Variants in INPP5F observed in about 807,000 individuals in gnomAD.
INPP5F encodes the protein phosphatidylinositide 4-phosphatase SAC2.
A neutral mutation model predicts 137.2 loss-of-function variants in INPP5F; 97 were observed. The observed-to-expected ratio is 0.71, with a 90% confidence interval of 0.60 to 0.84. INPP5F has a LOEUF of 0.84. Among genes scored for constraint, INPP5F ranks in the 40% least tolerant of loss-of-function variants. The pLI is 0.00. For synonymous variants in INPP5F, 504 were observed against 476.9 expected (o/e 1.06, Z -0.74); for missense variants, 1,271 against 1,371.9 (o/e 0.93, Z 1.16).
intron 9 of INPP5F, 111 bp from the exon 10 acceptor site, chr10:119,804,062 T>C (rs755566176): frequency 1.2e-5 from 9 of 726,650 alleles, no homozygotes; most frequent in Non-Finnish European, 1.9e-5. Context: ...TTCTAACACA[T>C]AATTCCAAAT....
intron 3 of INPP5F, among the ~76,000 whole-genome samples, chr10:119,790,783 A>G (rs917373174): frequency 7.9e-5 from 12 of 152,240 alleles, no homozygotes; most frequent in Non-Finnish European, 1.8e-4. Context: ...GCTGAGCTAC[A>G]TGAAATTATA....
intron 1 of INPP5F, among the ~76,000 whole-genome samples, chr10:119,732,493 CTTTTTTCTTTTTTTT>C (rs1848104847): frequency 8.4e-6 from 1 of 118,424 alleles, no homozygotes; most frequent in Non-Finnish European, 1.8e-5. Flanking sequence ...TTTCTTTTTT[CTTTTTTCTTTTTTTT>C]TTTTTTTTTG....
chr10:119,789,298 C>A (rs560150196), intron 3 of INPP5F, among the ~76,000 whole-genome samples: 1 of 151,612 alleles, frequency 6.6e-6, no homozygotes, highest in African/African-American at 2.4e-5. Context: ...ATCTGTAGCT[C>A]GGTTTTGAGC....
intron 6 of INPP5F, among the ~76,000 whole-genome samples, chr10:119,795,213 G>C (rs1319529991): frequency 2.7e-5 from 4 of 145,900 alleles, no homozygotes; most frequent in Non-Finnish European, 4.6e-5. Flanking sequence ...CCGGGCAGAG[G>C]CGCCCCTCAC....
intron 13 of INPP5F, among the ~76,000 whole-genome samples, chr10:119,809,336 T>G (rs533581259): frequency 6.6e-6 from 1 of 152,190 alleles, no homozygotes; most frequent in Non-Finnish European, 1.5e-5. Flanking sequence ...TATACCTTTT[T>G]TCTGTAATAG....
chr10:119,753,678 T>C (rs1379455656), intron 2 of INPP5F, among the ~76,000 whole-genome samples: 19 of 152,218 alleles, frequency 1.2e-4, no homozygotes, highest in Admixed American at 1.2e-3. Flanking sequence ...AGGGCCTGTA[T>C]GTCTTAAGTT....
At chr10:119,820,707 T>A (rs889630368) in intron 15 of INPP5F, 139 bp from the exon 16 acceptor site, 1 of 654,786 alleles carries the variant, frequency 1.5e-6, no homozygotes, top group East Asian at 2.7e-5. Context: ...CTAACTGCAG[T>A]AGAACTCATT....
At chr10:119,736,909 G>A (rs931136560) in intron 1 of INPP5F, among the ~76,000 whole-genome samples, 2 of 152,234 alleles carry the variant, frequency 1.3e-5, no homozygotes, top group South Asian at 2.1e-4. Flanking sequence ...CTGCAGCCTC[G>A]AACTCCTGGG....
chr10:119,796,678 C>T, intron 6 of INPP5F, 37 bp from the exon 7 acceptor site: 2 of 1,503,920 alleles, frequency 1.3e-6, no homozygotes, highest in Middle Eastern at 1.7e-4. Context: ...CAGTGCTGTA[C>T]AGAATAGAAA....
intron 1 of INPP5F, among the ~76,000 whole-genome samples, chr10:119,732,376 A>T (rs1357570311): frequency 1.3e-5 from 2 of 151,984 alleles, no homozygotes; most frequent in Non-Finnish European, 2.9e-5. Context: ...CAATTTTTGG[A>T]ATCAGGTTTT....
chr10:119,773,064 T>A (rs551537631), intron 2 of INPP5F, among the ~76,000 whole-genome samples: 4 of 151,196 alleles, frequency 2.6e-5, no homozygotes, highest in Non-Finnish European at 5.9e-5. Context: ...TTAAAAATTA[T>A]TATCTTTTTT....
Position 119,733,412 on chromosome 10 carries a change from TA to T in INPP5F, c.97+7054del, listed in dbSNP as rs1848141489. Among the ~76,000 whole-genome samples the T allele has an allele frequency of 2.6e-5, 4 of 152,196 alleles. No individual in the cohort carries two copies. In the South Asian group the frequency reaches 8.3e-4, roughly 31 times the overall value. The stretch of plus-strand genomic sequence containing the variant: ...ATCTGCAGTTTGGGAAGGGAATAGA[TA>T]CAGGGGAGATCTTTGAGCAGATGCA... On this transcript the variant is annotated intron_variant, in intron 1 of 19. Transcript: ENST00000650623.
chr10:119,803,029 T>A (rs1013167918), intron 9 of INPP5F, among the ~76,000 whole-genome samples: 1 of 152,230 alleles, frequency 6.6e-6, no homozygotes, highest in Non-Finnish European at 1.5e-5. Context: ...TTTTTTCATG[T>A]GGATTTTCTC....
At position 119,726,073 on chromosome 10, in the gene INPP5F, G is replaced by A. The variant is rs1194543707; in HGVS notation, c.-190G>A. On this transcript the variant is annotated 5_prime_UTR_variant, in exon 1 of 20. Transcript: ENST00000650623. ...GGGAGAGGCCTCTACGGCCGCCGCT[G>A]CCGCCGCCGCTGCCGGGGCGCGTTC... 2 of 367,894 alleles carry A rather than the reference G, an allele frequency of 5.4e-6. No homozygotes were observed. Among genetic ancestry groups the A allele is most frequent in the Non-Finnish European group, 9.6e-6 (2 of 207,722 alleles). The allele number at this position is 367,894 out of a possible 1,614,324, so 22.8% of individuals were successfully genotyped here. A position where few individuals can be genotyped will look rare whatever the true frequency, so the allele number is the denominator to read the frequency against.
At chr10:119,764,157 C>T (rs1172918058) in intron 2 of INPP5F, among the ~76,000 whole-genome samples, 2 of 152,152 alleles carry the variant, frequency 1.3e-5, no homozygotes, top group African/African-American at 4.8e-5. Flanking sequence ...GCAGTGTAGG[C>T]TTTTTCTAAT....
At chr10:119,742,420 T>C (rs1379956117) in intron 1 of INPP5F, among the ~76,000 whole-genome samples, 2 of 152,102 alleles carry the variant, frequency 1.3e-5, no homozygotes, top group East Asian at 3.9e-4. Flanking sequence ...CCTCCCAAAG[T>C]GCTGGCATTA....
chr10:119,730,900 G>C (rs1848043522), intron 1 of INPP5F, among the ~76,000 whole-genome samples: 1 of 151,734 alleles, frequency 6.6e-6, no homozygotes, highest in Admixed American at 6.6e-5. Flanking sequence ...CAATTCTCCT[G>C]CCTCAGCCTC....
intron 2 of INPP5F, among the ~76,000 whole-genome samples, chr10:119,777,242 T>A (rs1044398937): frequency 6.6e-6 from 1 of 152,000 alleles, no homozygotes; most frequent in Admixed American, 6.6e-5. Flanking sequence ...GGCGCAGTGG[T>A]GCACACCTGT....
In INPP5F at chr10:119,791,599, C is replaced by T; in HGVS notation, c.398C>T (p.Thr133Ile). The change falls in exon 4 of 20, where the codon ACC (threonine) becomes ATC (isoleucine). Residue 133 changes from threonine to isoleucine, a missense_variant. This residue lies in a region of INPP5F where 62 missense variants were observed against 55.0 expected (regional missense o/e 1.13). Coordinates refer to ENST00000650623, the MANE Select transcript of INPP5F (RefSeq NM_014937.4). ...GATGACTCAAAGTTTCTACTGAAGA[C>T]CTTTACGCATATTAAATCCAATGTG... ...SPDDSKFLLK[T>I]FTHIKSNVSA... 1 of 1,604,492 alleles carries T rather than the reference C, an allele frequency of 6.2e-7. No homozygotes were observed. Among genetic ancestry groups the T allele is most frequent in the Non-Finnish European group, 8.5e-7 (1 of 1,171,964 alleles).
Sources: gnomAD v4.1 joint callset for allele counts (sites outside exome capture counted in the v4.1 genomes callset) on GRCh38, gnomAD v4.1.1 for gene constraint, gnomAD v4.1.1 regional missense constraint, MANE v1.5 for transcripts, NCBI Gene and HGNC (gene_info 2026-07-23, HGNC 2026-07-21) for gene names.